MVK: variants seen among roughly 807,000 people sequenced by gnomAD.
MVK encodes the protein LH receptor mRNA-binding protein.
Under a neutral mutation model 43.2 loss-of-function variants are expected in MVK, and 34 were observed. The observed-to-expected ratio is 0.79, with a 90% CI of 0.60 to 1.05. The LOEUF is 1.05. MVK is among the 50% of genes least tolerant of loss of function. MVK has a pLI of 0.00. For missense variants in MVK, 395 were observed against 504.0 expected, an observed-to-expected ratio of 0.78 and a Z score of 2.07; for synonymous variants, 190 against 219.8, an observed-to-expected ratio of 0.86 and a Z score of 1.20.
intron 9 of MVK, among the ~76,000 whole-genome samples, chr12:109,592,395 T>C (rs1885726487): frequency 2.0e-5 from 3 of 152,188 alleles, no homozygotes; most frequent in Non-Finnish European, 2.9e-5. Flanking sequence ...GGGTGGCCCC[T>C]AGCTGCCGTG....
Position 109,579,820 on chromosome 12 carries a change from C to A in MVK, c.245C>A (p.Thr82Lys), listed in dbSNP as rs1885131335. 1.2e-6 allele frequency: 2 copies of A among 1,614,128 alleles called. No homozygotes were observed. The highest frequency in any genetic ancestry group is 1.1e-5 in the South Asian group (1 of 91,090). Residue 82 changes from threonine to lysine, a missense_variant, in exon 4 of 11, where the codon ACA becomes AAA. Transcript: ENST00000228510. ...GGAACAGAGCAAGGTGATGTCACAA[C>A]ACCCACCTCAGAGCAAGTGGAGAAG... Reference protein sequence around the residue: ...TSFLEQGDVTTPTSEQVEKLK... With the variant: ...TSFLEQGDVTKPTSEQVEKLK...
At chr12:109,574,749 T>C in intron 1 of MVK, 60 bp from the exon 2 acceptor site, 1 of 1,394,908 alleles carries the variant, frequency 7.2e-7, no homozygotes. Context: ...TTCTAAGATC[T>C]CTTCCTGCTG....
chr12:109,592,233 C>T (rs539181118), intron 9 of MVK, among the ~76,000 whole-genome samples: 14 of 152,310 alleles, frequency 9.2e-5, no homozygotes, highest in African/African-American at 2.9e-4. Flanking sequence ...ACAAAAAATG[C>T]TTGGAGTCTC....
chr12:109,574,428 T>A (rs1277814852), intron 1 of MVK, among the ~76,000 whole-genome samples: 2 of 152,208 alleles, frequency 1.3e-5, no homozygotes, highest in African/African-American at 4.8e-5. Context: ...CAGTAATAAG[T>A]AGCTCTCAGT....
At position 109,596,606 on chromosome 12, in the gene MVK, C is replaced by T. The variant is rs775116044; in HGVS notation, c.*29C>T. Reference sequence around the variant, plus strand: ...GAGCCCACGACACTGCAGCCCCACCCAGATGCCCCTTTCTGGATTATTCTG... The same window carrying T: ...GAGCCCACGACACTGCAGCCCCACCTAGATGCCCCTTTCTGGATTATTCTG... On this transcript the variant is annotated 3_prime_UTR_variant, in exon 11 of 11. Coordinates refer to ENST00000228510, the MANE Select transcript of MVK (RefSeq NM_000431.4). The T allele has an allele frequency of 6.2e-7, 1 of 1,602,678 alleles. No individual in the cohort carries two copies. Among genetic ancestry groups the T allele is most frequent in the Non-Finnish European group, 8.5e-7 (1 of 1,179,284 alleles).
chr12:109,574,785 C>T (rs1300664468), intron 1 of MVK, 24 bp from the exon 2 acceptor site: 2 of 1,551,798 alleles, frequency 1.3e-6, no homozygotes, highest in Admixed American at 1.9e-5. Context: ...GATCTTTGCT[C>T]TTCTCATTGG....
chr12:109,578,264 C>CTTT (rs60053584), intron 3 of MVK, among the ~76,000 whole-genome samples: 2 of 145,254 alleles, frequency 1.4e-5, no homozygotes, highest in Non-Finnish European at 3.0e-5. Context: ...AAACATTGAA[C>CTTT]TTTTTTTTTT....
Position 109,590,780 on chromosome 12 carries a change from T to C in MVK, c.687T>C (p.Ala229=). The change falls in exon 8 of 11, where the codon GCT becomes GCC. Residue 229 remains alanine, a synonymous_variant. Coordinates refer to ENST00000228510, the MANE Select transcript of MVK (RefSeq NM_000431.4). ...CCTCTTCACCCTGCAGGTCGCCAGCTCTCCAGATCCTGCTGACCAACACCA... is the reference window on the plus strand; with the variant it reads ...CCTCTTCACCCTGCAGGTCGCCAGCCCTCCAGATCCTGCTGACCAACACCA... ...GKISSLKRSP[A]LQILLTNTKV... 6.2e-7 allele frequency: 1 copy of C among 1,614,082 alleles called. No homozygotes were observed. The highest frequency in any genetic ancestry group is 1.1e-5 in the South Asian group (1 of 91,072).
chr12:109,573,734 G>C, upstream of MVK: 1 of 556,340 alleles, frequency 1.8e-6, no homozygotes, highest in Non-Finnish European at 3.2e-6. Flanking sequence ...GGTACTCCGG[G>C]CTCGCGCGCT....
chr12:109,593,473 AG>A (rs912453553), intron 9 of MVK, among the ~76,000 whole-genome samples: 2 of 146,186 alleles, frequency 1.4e-5, no homozygotes, highest in Non-Finnish European at 3.1e-5. Context: ...GAGGAATGCC[AG>A]GGGGTGCTCT....
intron 9 of MVK, among the ~76,000 whole-genome samples, chr12:109,591,603 C>T (rs1316702261): frequency 1.3e-5 from 2 of 152,188 alleles, no homozygotes; most frequent in Non-Finnish European, 2.9e-5. Context: ...GGGCCTGGCT[C>T]GTGCTAAGTG....
Position 109,595,324 on chromosome 12 carries a change from G to A in MVK, c.1039+143G>A, listed in dbSNP as rs919015865. On this transcript the variant is annotated intron_variant, in intron 10 of 10. Coordinates refer to ENST00000228510, the MANE Select transcript of MVK (RefSeq NM_000431.4). The surrounding 1 kb of genome is among the most constrained non-coding windows in gnomAD (Gnocchi z 5.9). ...CCTTGGGCAAGTTAGTTAACCTCTGGTCTTTGCTTCCTCATTGGTAAAATA... is the reference window on the plus strand; with the variant it reads ...CCTTGGGCAAGTTAGTTAACCTCTGATCTTTGCTTCCTCATTGGTAAAATA... The A allele has an allele frequency of 4.9e-6, 5 of 1,025,376 alleles. No homozygotes were observed. Among genetic ancestry groups the A allele is most frequent in the African/African-American group, 1.6e-5 (1 of 61,606 alleles). 63.5% of individuals were successfully genotyped at this position (1,025,376 alleles called of 1,614,324 possible). A position where few individuals can be genotyped will look rare whatever the true frequency, so the allele number is the denominator to read the frequency against.
intron 5 of MVK, among the ~76,000 whole-genome samples, chr12:109,582,624 C>G (rs1456300056): frequency 6.9e-6 from 1 of 145,424 alleles, no homozygotes; most frequent in Non-Finnish European, 1.5e-5. Flanking sequence ...CCCACCCCAC[C>G]ACACCCCACC....
At chr12:109,576,321 A>C (rs982231307) in intron 3 of MVK, among the ~76,000 whole-genome samples, 176 bp downstream of exon 3, 2 of 152,150 alleles carry the variant, frequency 1.3e-5, no homozygotes, top group Non-Finnish European at 2.9e-5. Context: ...ATAGGTGTAA[A>C]ACAATGCATT....
At chr12:109,591,404 G>C (rs1458700990) in intron 9 of MVK, 47 bp downstream of exon 9, 2 of 1,547,776 alleles carry the variant, frequency 1.3e-6, no homozygotes, top group African/African-American at 1.4e-5. Context: ...CCACACCACT[G>C]TCCAAGGCAG....
intron 3 of MVK, among the ~76,000 whole-genome samples, chr12:109,577,592 C>T (rs1370039303): frequency 6.6e-6 from 1 of 152,178 alleles, no homozygotes; most frequent in Non-Finnish European, 1.5e-5. Flanking sequence ...GCTGGGGTTA[C>T]AGGTGAGAGC....
rs748756524 is a variant in MVK, at chr12:109,596,422, G to A, written c.1040-4G>A. On this transcript the variant is annotated splice_region_variant and splice_polypyrimidine_tract_variant and intron_variant, in intron 10 of 10. Transcript: ENST00000228510. ...CAAGGGTGACCTGCCTTCCCTCCCC[G>A]CAGGGCTGGAGCAGCCAGAAGTGGA... is the stretch of plus-strand genomic sequence containing the variant. The A allele has an allele frequency of 1.2e-5, 20 of 1,612,730 alleles. No individual in the cohort carries two copies. The highest frequency in any genetic ancestry group is 1.0e-4 in the Admixed American group (6 of 59,954).
chr12:109,576,553 A>G (rs142991787), intron 3 of MVK, among the ~76,000 whole-genome samples: 1 of 152,258 alleles, frequency 6.6e-6, no homozygotes, highest in Non-Finnish European at 1.5e-5. Context: ...AGGAGAATAT[A>G]TTGGCATTTT....
At position 109,579,946 on chromosome 12, in the gene MVK, G is replaced by A; in HGVS notation, c.371G>A (p.Arg124Lys). 2 of 1,614,208 alleles carry A rather than the reference G, an allele frequency of 1.2e-6. No homozygotes were observed. The highest frequency in any genetic ancestry group is 8.5e-7 in the Non-Finnish European group (1 of 1,180,032). ...TACCTGTCCATCTGCCGGAAGCAGA[G>A]GTGTGTGCGTGGTCTGGGGAAGGAG... Reference protein sequence around the residue: ...YLYLSICRKQRALPSLDIVVW... With the variant: ...YLYLSICRKQKALPSLDIVVW... Residue 124 changes from arginine to lysine, a missense_variant and splice_region_variant, in exon 4 of 11, where the codon AGG becomes AAG. Transcript: ENST00000228510.
Sources: gnomAD v4.1 joint callset for allele counts (sites outside exome capture counted in the v4.1 genomes callset) on GRCh38, gnomAD v4.1.1 for gene constraint, Gnocchi (gnomAD v3.1) non-coding constraint, MANE v1.5 for transcripts, NCBI Gene and HGNC (gene_info 2026-07-23, HGNC 2026-07-21) for gene names.